MRE11: variants seen among roughly 807,000 people sequenced by gnomAD.
The protein encoded by MRE11 is double-strand break repair protein MRE11.
MRE11 carries 62 observed loss-of-function variants against 91.7 expected under a neutral mutation model. That is an observed-to-expected ratio of 0.68 (90% CI 0.55 to 0.84). MRE11 has a LOEUF of 0.84. Among genes scored for constraint, MRE11 ranks in the 40% least tolerant of loss-of-function variants. The pLI is 0.00. For missense variants in MRE11, 796 were observed against 852.9 expected, an observed-to-expected ratio of 0.93 and a Z score of 0.83; for synonymous variants, 273 against 271.4, an observed-to-expected ratio of 1.01 and a Z score of -0.06.
chr11:94,495,447 G>C (rs1565245586), upstream of MRE11, among the ~76,000 whole-genome samples: 1 of 152,042 alleles, frequency 6.6e-6, no homozygotes, highest in Non-Finnish European at 1.5e-5. Context: ...GTGAAATGTA[G>C]CACCAAAAAA....
intron 2 of MRE11, 164 bp downstream of exon 2, chr11:94,492,618 A>T: frequency 8.0e-7 from 1 of 1,250,680 alleles, no homozygotes; most frequent in Non-Finnish European, 1.1e-6. Context: ...ACAAACAGAT[A>T]AATATTTAAA....
chr11:94,451,615 G>C (rs78180264), intron 14 of MRE11, among the ~76,000 whole-genome samples: 1 of 151,864 alleles, frequency 6.6e-6, no homozygotes, highest in Non-Finnish European at 1.5e-5. Context: ...CCATTACCAG[G>C]GGGTAATGGA....
intron 14 of MRE11, among the ~76,000 whole-genome samples, chr11:94,451,285 G>A (rs1451057187): frequency 6.6e-6 from 1 of 151,920 alleles, no homozygotes; most frequent in African/African-American, 2.4e-5. Context: ...CTGATCCAAG[G>A]TGGGAAAAAA....
chr11:94,512,381 C>G, the MRE11 span: 10 of 737,288 alleles, frequency 1.4e-5, no homozygotes, highest in African/African-American at 1.5e-4. Context: ...TTCTTTGGTG[C>G]GCGGAATACC....
chr11:94,486,734 A>G (rs1947151490), intron 3 of MRE11, among the ~76,000 whole-genome samples: 1 of 152,194 alleles, frequency 6.6e-6, no homozygotes, highest in South Asian at 2.1e-4. Context: ...TCAAGGGAGG[A>G]CAATTCGCCT....
At chr11:94,496,124 C>T (rs751763792), upstream of MRE11, among the ~76,000 whole-genome samples, 2 of 150,392 alleles carry the variant, frequency 1.3e-5, no homozygotes, top group African/African-American at 2.4e-5. Context: ...ATATATGTAC[C>T]GATGACAGAT....
the MRE11 span, among the ~76,000 whole-genome samples, chr11:94,509,225 G>T: frequency 6.6e-6 from 1 of 151,930 alleles, no homozygotes; most frequent in Non-Finnish European, 1.5e-5. Flanking sequence ...TCTTGATAAC[G>T]TTTTAGAGTA....
chr11:94,443,270 T>C (rs1473154786), intron 16 of MRE11, among the ~76,000 whole-genome samples: 1 of 152,216 alleles, frequency 6.6e-6, no homozygotes, highest in Non-Finnish European at 1.5e-5. Context: ...TGGAAACTAG[T>C]ACAGTGGTCA....
At chr11:94,442,205 G>T (rs1945800939) in intron 16 of MRE11, among the ~76,000 whole-genome samples, 1 of 152,050 alleles carries the variant, frequency 6.6e-6, no homozygotes, top group Admixed American at 6.6e-5. Flanking sequence ...AGAGATTCAT[G>T]AAGCCCAATA....
upstream of MRE11, among the ~76,000 whole-genome samples, chr11:94,494,383 CA>C (rs1947379215): frequency 6.6e-6 from 1 of 152,194 alleles, no homozygotes. Context: ...ATGTATAGTG[CA>C]GCGAAAAATA....
intron 4 of MRE11, among the ~76,000 whole-genome samples, chr11:94,484,688 C>A (rs139251710): frequency 3.3e-5 from 5 of 152,122 alleles, no homozygotes; most frequent in African/African-American, 1.2e-4. Context: ...TGATATGATG[C>A]GACTGAAAGG....
At chr11:94,421,327 T>C (rs1299092508) in intron 19 of MRE11, among the ~76,000 whole-genome samples, 1 of 152,234 alleles carries the variant, frequency 6.6e-6, no homozygotes, top group Non-Finnish European at 1.5e-5. Context: ...CTTCCAAATG[T>C]TAGCTAAATT....
chr11:94,438,886 TCAAATA>T (rs769411524), intron 16 of MRE11, among the ~76,000 whole-genome samples: 82 of 152,324 alleles, frequency 5.4e-4, no homozygotes, highest in Non-Finnish European at 1.0e-3. Context: ...TAGAAAGCAT[TCAAATA>T]CATGTAGCTG....
intron 16 of MRE11, among the ~76,000 whole-genome samples, chr11:94,443,704 G>A (rs1028338274): frequency 1.3e-5 from 2 of 152,148 alleles, no homozygotes; most frequent in Non-Finnish European, 2.9e-5. Flanking sequence ...GAAATTGGGT[G>A]CAATTGCATG....
the MRE11 span, chr11:94,512,412 T>TC: frequency 8.8e-7 from 1 of 1,142,586 alleles, no homozygotes; most frequent in African/African-American, 1.6e-5. Context: ...GAAGGCCGGC[T>TC]GGGGGCGGGG....
At chr11:94,466,626 G>C (rs1353279024) in intron 10 of MRE11, 1 of 379,066 alleles carries the variant, frequency 2.6e-6, no homozygotes, top group South Asian at 1.9e-5. Flanking sequence ...CATACAACTA[G>C]TGGTTGGGCC....
the MRE11 span, among the ~76,000 whole-genome samples, chr11:94,506,313 T>TA: frequency 2.0e-5 from 3 of 151,266 alleles, no homozygotes; most frequent in Non-Finnish European, 4.4e-5. Flanking sequence ...CCCCTGAACC[T>TA]AAAAAAAAGT....
intron 4 of MRE11, 74 bp from the exon 5 acceptor site, chr11:94,479,835 A>G (rs1946969925): frequency 8.5e-7 from 1 of 1,179,548 alleles, no homozygotes; most frequent in African/African-American, 1.5e-5. Flanking sequence ...CCTCCAAAAT[A>G]TTAATGCAAT....
At chr11:94,492,174 C>T (rs1232120324) in intron 2 of MRE11, among the ~76,000 whole-genome samples, 2 of 152,006 alleles carry the variant, frequency 1.3e-5, no homozygotes, top group South Asian at 2.1e-4. Flanking sequence ...CTGCAACCTC[C>T]GCCTCTCGGG....
Sources: gnomAD v4.1 joint callset for allele counts (sites outside exome capture counted in the v4.1 genomes callset) on GRCh38, gnomAD v4.1.1 for gene constraint, MANE v1.5 for transcripts, NCBI Gene and HGNC (gene_info 2026-07-23, HGNC 2026-07-21) for gene names.